VMP1: variants seen among roughly 807,000 people sequenced by gnomAD.
VMP1 encodes the protein vacuole membrane protein 1.
In VMP1, 11 loss-of-function variants were observed where a neutral mutation model predicts 56.0. That is an observed-to-expected ratio of 0.20 (90% confidence interval 0.12 to 0.32). The LOEUF is 0.32. Ranked by LOEUF, VMP1 falls within the 10% of genes least tolerant of loss-of-function variation. VMP1 has a pLI of 1.00. For missense variants in VMP1, 296 were observed against 490.3 expected (o/e 0.60, Z 3.74); for synonymous variants, 149 against 165.0 (o/e 0.90, Z 0.74).
intron 1 of VMP1, among the ~76,000 whole-genome samples, chr17:59,714,934 G>A (rs1190026902): frequency 1.3e-5 from 2 of 152,106 alleles, no homozygotes; most frequent in African/African-American, 4.8e-5. Context: ...CTCTCACCTT[G>A]GCATCCCAAT....
intron 5 of VMP1, among the ~76,000 whole-genome samples, chr17:59,744,272 C>G (rs1481236943): frequency 6.6e-6 from 1 of 150,862 alleles, no homozygotes; most frequent in Non-Finnish European, 1.5e-5. Flanking sequence ...ACCAGCCTGG[C>G]CAACATGATG....
intron 2 of VMP1, among the ~76,000 whole-genome samples, chr17:59,735,100 C>T (rs986923120): frequency 3.3e-5 from 5 of 151,756 alleles, no homozygotes; most frequent in Non-Finnish European, 2.9e-5. Flanking sequence ...TTAGTAGAGA[C>T]GGAGTTCCAC....
chr17:59,748,968 G>A (rs1296960699), intron 5 of VMP1, among the ~76,000 whole-genome samples: 1 of 149,952 alleles, frequency 6.7e-6, no homozygotes, highest in African/African-American at 2.5e-5. Flanking sequence ...TGTGATCCCA[G>A]CACTGGAGTG....
chr17:59,822,570 C>CT (rs2038492895), intron 10 of VMP1, among the ~76,000 whole-genome samples: 2 of 152,036 alleles, frequency 1.3e-5, no homozygotes, highest in South Asian at 4.1e-4. Flanking sequence ...AGTGATCCAC[C>CT]TGCCTCGGCC....
At chr17:59,778,365 C>T (rs1276057639) in intron 7 of VMP1, among the ~76,000 whole-genome samples, 2 of 151,864 alleles carry the variant, frequency 1.3e-5, no homozygotes, top group Admixed American at 6.6e-5. Flanking sequence ...ACAGTGAAAC[C>T]CCATCTCTAC....
chr17:59,743,095 T>C (rs959224683), intron 5 of VMP1, among the ~76,000 whole-genome samples: 1 of 152,326 alleles, frequency 6.6e-6, no homozygotes, highest in East Asian at 1.9e-4. Context: ...GAGGAACCAA[T>C]ATTGATACAT....
intron 5 of VMP1, among the ~76,000 whole-genome samples, chr17:59,751,669 G>A (rs950998509): frequency 6.7e-6 from 1 of 149,816 alleles, no homozygotes; most frequent in African/African-American, 2.5e-5. Context: ...GTTTGAACGG[G>A]GGAGGCAGAG....
chr17:59,734,680 C>T (rs2034951855), intron 2 of VMP1, among the ~76,000 whole-genome samples: 1 of 152,086 alleles, frequency 6.6e-6, no homozygotes. Context: ...TTAAAGTGAG[C>T]TGTGATTATG....
At chr17:59,760,198 A>C (rs906082140) in intron 5 of VMP1, among the ~76,000 whole-genome samples, 3 of 151,902 alleles carry the variant, frequency 2.0e-5, no homozygotes, top group African/African-American at 7.2e-5. Context: ...CAGGGTGAAC[A>C]ATGAAGTATT....
At chr17:59,753,337 C>T (rs1190322418) in intron 5 of VMP1, among the ~76,000 whole-genome samples, 4 of 152,014 alleles carry the variant, frequency 2.6e-5, no homozygotes, top group Non-Finnish European at 5.9e-5. Context: ...TTTCATTAGC[C>T]ACCTTGTAAT....
intron 10 of VMP1, among the ~76,000 whole-genome samples, chr17:59,832,761 ATT>A (rs71145580): frequency 8.9e-5 from 9 of 101,308 alleles, no homozygotes; most frequent in Admixed American, 1.2e-4. Context: ...GCCTGGCAAT[ATT>A]TTTTTTTTTT....
At chr17:59,825,077 A>ATTTT (rs747807694) in intron 10 of VMP1, among the ~76,000 whole-genome samples, 1 of 70,090 alleles carries the variant, frequency 1.4e-5, no homozygotes, top group Non-Finnish European at 2.6e-5. Context: ...GTTAGTTGTG[A>ATTTT]TTTTTTTTTT....
At chr17:59,732,391 C>T (rs1437551225) in intron 2 of VMP1, among the ~76,000 whole-genome samples, 3 of 152,104 alleles carry the variant, frequency 2.0e-5, no homozygotes, top group Non-Finnish European at 2.9e-5. Flanking sequence ...TAAAGGCATG[C>T]GCCACCACGC....
At chr17:59,828,546 G>A (rs2038713881) in intron 10 of VMP1, among the ~76,000 whole-genome samples, 1 of 152,206 alleles carries the variant, frequency 6.6e-6, no homozygotes, top group African/African-American at 2.4e-5. Flanking sequence ...GCACAGATGT[G>A]AATGAAATTC....
intron 5 of VMP1, among the ~76,000 whole-genome samples, chr17:59,755,424 A>G (rs142734771): frequency 1.3e-5 from 2 of 152,138 alleles, no homozygotes; most frequent in African/African-American, 4.8e-5. Context: ...ATGCCTTTTA[A>G]TATGGATTAA....
intron 7 of VMP1, among the ~76,000 whole-genome samples, chr17:59,786,132 T>G (rs917568890): frequency 1.3e-5 from 2 of 152,216 alleles, no homozygotes; most frequent in Non-Finnish European, 2.9e-5. Flanking sequence ...TAATGGTAGT[T>G]CTCATTCTTA....
intron 5 of VMP1, among the ~76,000 whole-genome samples, chr17:59,749,656 A>C (rs914379430): frequency 6.6e-6 from 1 of 151,956 alleles, no homozygotes; most frequent in Non-Finnish European, 1.5e-5. Flanking sequence ...GATTACAGGC[A>C]TGCACCACCA....
At chr17:59,807,854 A>G (rs1413984508) in intron 7 of VMP1, among the ~76,000 whole-genome samples, 1 of 151,014 alleles carries the variant, frequency 6.6e-6, no homozygotes, top group African/African-American at 2.4e-5. Context: ...AAAAAAAAGA[A>G]AGTTGGACTA....
At chr17:59,823,564 A>G (rs1219159432) in intron 10 of VMP1, among the ~76,000 whole-genome samples, 3 of 151,726 alleles carry the variant, frequency 2.0e-5, no homozygotes, top group Non-Finnish European at 4.4e-5. Context: ...CCTGGCTAAC[A>G]TGGTGAAACC....
Sources: allele counts gnomAD v4.1 joint callset (sites outside exome capture counted in the v4.1 genomes callset), GRCh38; gene constraint gnomAD v4.1.1; transcripts MANE v1.5; gene names NCBI Gene and HGNC (gene_info 2026-07-23, HGNC 2026-07-21).